DMD: variants seen among roughly 807,000 people sequenced by gnomAD.
DMD encodes dystrophin, also known as mutant dystrophin.
Under a neutral mutation model 330.1 loss-of-function variants are expected in DMD, and 63 were observed. The ratio of observed to expected loss-of-function variants is 0.19; its 90% CI spans 0.16 to 0.24. The LOEUF (loss-of-function observed/expected upper bound fraction) is 0.24, where lower values mean the gene tolerates loss of function less well. Ranked by LOEUF, DMD falls within the 10% of genes least tolerant of loss-of-function variation. DMD has a pLI of 1.00. For missense variants in DMD, 3,344 were observed against 2,684.1 expected (o/e 1.25, Z -5.43); for synonymous variants, 1,223 against 959.8 (o/e 1.27, Z -5.07).
intron 1 of DMD, among the ~76,000 whole-genome samples, chrX:33,189,366 A>T (rs1034479089): frequency 5.4e-5 from 6 of 111,155 alleles, no homozygotes; most frequent in Non-Finnish European, 1.1e-4. Context: ...ACATGCCAAG[A>T]TATTTGTATT....
chrX:32,653,947 G>A (rs2060361975), intron 9 of DMD, among the ~76,000 whole-genome samples: 1 of 110,626 alleles, frequency 9.0e-6, no homozygotes, highest in Non-Finnish European at 1.9e-5. Context: ...CTCATGATTT[G>A]CCTCTGTCTG....
rs765090072 is a variant in DMD at position 33,339,312 on chromosome X, T to C, written c.-47A>G. 12 of 1,020,308 alleles carry C rather than the reference T, an allele frequency of 1.2e-5. No individual in the cohort carries two copies. In the East Asian group the frequency reaches 3.7e-4, roughly 31 times the overall value. 84.1% of individuals were successfully genotyped at this position (1,020,308 alleles called of 1,213,427 possible). ...TCCATCATGCCAATAAGTTGGCTGC[T>C]GTAACAAATCAAGATAGTGCAAAAC... On this transcript the variant is annotated 5_prime_UTR_variant, in exon 1 of 18. Coordinates refer to the DMD transcript ENST00000288447.
intron 48 of DMD, among the ~76,000 whole-genome samples, chrX:31,837,104 A>G (rs1421672963): frequency 8.9e-6 from 1 of 112,295 alleles, no homozygotes; most frequent in East Asian, 2.8e-4. Context: ...ATGACAATAC[A>G]ATTTATTAAC....
chrX:32,614,348 A>G lies in DMD; in HGVS notation c.1437T>C (p.Leu479=). 8.3e-7 allele frequency: 1 copy of G among 1,208,658 alleles called. No individual in the cohort carries two copies. Among genetic ancestry groups the G allele is most frequent in the Non-Finnish European group, 1.1e-6 (1 of 893,824 alleles). Residue 479 remains leucine, a synonymous_variant, in exon 12 of 79, where the codon CTT becomes CTC. Transcript: ENST00000357033. The part of the protein sequence containing the change: ...ERTRKMEEEP[L]GPDLEDLKRQ... ...GTTTTAGGTCTTCAAGATCAGGTCC[A>G]AGAGGCTCTTCCTCCATTTTCCTTG...
intron 59 of DMD, among the ~76,000 whole-genome samples, chrX:31,451,599 G>A (rs2065759142): frequency 1.8e-5 from 2 of 110,284 alleles, no homozygotes; most frequent in African/African-American, 3.3e-5. Flanking sequence ...GACTTCTTAA[G>A]TGAATTTTCA....
At chrX:32,600,777 G>C (rs974061503) in intron 12 of DMD, among the ~76,000 whole-genome samples, 1 of 110,792 alleles carries the variant, frequency 9.0e-6, no homozygotes, top group Non-Finnish European at 1.9e-5. Context: ...GCACACATAA[G>C]GAAAGACTAA....
chrX:33,334,713 C>T (rs2054226554), intron 1 of DMD, among the ~76,000 whole-genome samples: 1 of 111,220 alleles, frequency 9.0e-6, no homozygotes, highest in Non-Finnish European at 1.9e-5. Flanking sequence ...TGTGGACTAT[C>T]ATTTACTGAC....
intron 2 of DMD, among the ~76,000 whole-genome samples, chrX:32,983,069 G>A (rs2092747330): frequency 8.9e-6 from 1 of 111,855 alleles, no homozygotes; most frequent in Admixed American, 9.5e-5. Context: ...TCCTCTGGGA[G>A]GGGCACCCTC....
At chrX:32,777,520 G>C (rs1048432505) in intron 7 of DMD, among the ~76,000 whole-genome samples, 10 of 109,870 alleles carry the variant, frequency 9.1e-5, no homozygotes, top group African/African-American at 3.3e-4. Flanking sequence ...CAGTCATTGG[G>C]GAAAGTTATG....
intron 50 of DMD, among the ~76,000 whole-genome samples, chrX:31,808,741 CTTAT>C (rs992396512): frequency 1.8e-5 from 2 of 110,221 alleles, no homozygotes; most frequent in African/African-American, 6.6e-5. Flanking sequence ...GAGTTATGTG[CTTAT>C]TTGTTAAACA....
intron 55 of DMD, among the ~76,000 whole-genome samples, chrX:31,551,182 A>G (rs770758174): frequency 3.2e-4 from 24 of 74,289 alleles, no homozygotes; most frequent in South Asian, 2.7e-3. Context: ...CCATCTCGGG[A>G]AAAAAAAAAA....
intron 7 of DMD, among the ~76,000 whole-genome samples, chrX:32,703,621 T>C (rs1379555486): frequency 1.8e-5 from 2 of 111,619 alleles, no homozygotes; most frequent in African/African-American, 3.3e-5. Flanking sequence ...ATAAATGTTA[T>C]GGACTTCGGG....
intron 13 of DMD, among the ~76,000 whole-genome samples, chrX:32,574,463 T>A (rs753613189): frequency 6.2e-4 from 69 of 112,133 alleles, no homozygotes; most frequent in African/African-American, 2.1e-3. Context: ...CACTAATGTC[T>A]AAGAACACAC....
chrX:31,672,247 A>G (rs1275006986), intron 53 of DMD, among the ~76,000 whole-genome samples: 3 of 112,171 alleles, frequency 2.7e-5, no homozygotes, highest in Admixed American at 1.9e-4. Flanking sequence ...GTACTCCATT[A>G]TGGTCATAAA....
chrX:33,051,185 G>GGA (rs1390688739), intron 1 of DMD, among the ~76,000 whole-genome samples: 2 of 107,318 alleles, frequency 1.9e-5, no homozygotes, highest in Admixed American at 1.0e-4. Context: ...AGATATCTTT[G>GGA]GATCTTCACT....
In DMD at chrX:32,780,842, C is replaced by T. The variant is rs372581261; in HGVS notation, c.649+28651G>A. On this transcript the variant is annotated intron_variant, in intron 7 of 78. Transcript: ENST00000357033. The stretch of plus-strand genomic sequence containing the variant: ...TGTTGTACATTAAAAAACAGGCACT[C>T]GCACTTTCAGAGGCCGAGGCGGGCA... Among the ~76,000 whole-genome samples, 3 of 109,540 alleles carry T rather than the reference C, an allele frequency of 2.7e-5. No individual in the cohort carries two copies. In the South Asian group the frequency reaches 1.2e-3, roughly 43 times the overall value.
intron 1 of DMD, among the ~76,000 whole-genome samples, chrX:33,309,006 G>C (rs994846275): frequency 9.0e-6 from 1 of 111,516 alleles, no homozygotes; most frequent in African/African-American, 3.3e-5. Context: ...CCTTTGGAGA[G>C]GATGCATTCG....
intron 28 of DMD, among the ~76,000 whole-genome samples, chrX:32,440,758 G>A (rs2098278796): frequency 9.0e-6 from 1 of 111,497 alleles, no homozygotes; most frequent in African/African-American, 3.2e-5. Context: ...CATTCCGTAA[G>A]GTGTAAATTT....
intron 55 of DMD, among the ~76,000 whole-genome samples, chrX:31,563,022 G>C (rs2075279425): frequency 9.0e-6 from 1 of 110,908 alleles, no homozygotes; most frequent in Non-Finnish European, 1.9e-5. Flanking sequence ...TAACACATTT[G>C]CCATATAATG....
Sources: allele counts gnomAD v4.1 joint callset (sites outside exome capture counted in the v4.1 genomes callset), GRCh38; gene constraint gnomAD v4.1.1; transcripts MANE v1.5; gene names NCBI Gene and HGNC (gene_info 2026-07-23, HGNC 2026-07-21).